Variants in PARD3B observed in about 807,000 individuals in gnomAD.
PARD3B encodes the protein par-3 family cell polarity regulator beta.
PARD3B carries 103 observed loss-of-function variants against 130.2 expected under a neutral mutation model. That is an observed-to-expected ratio of 0.79 (90% CI 0.67 to 0.93). The LOEUF (loss-of-function observed/expected upper bound fraction) is 0.93. PARD3B is among the 40% of genes least tolerant of loss of function. The probability of loss-of-function intolerance (pLI) is 0.00; values close to 1 mark genes in which losing one functional copy is unlikely to be tolerated. For synonymous variants in PARD3B, 583 were observed against 553.2 expected, an observed-to-expected ratio of 1.05 and a Z score of -0.76; for missense variants, 1,609 against 1,499.2, an observed-to-expected ratio of 1.07 and a Z score of -1.21.
chr2:205,164,596 A>G (rs2034693492), intron 11 of PARD3B, among the ~76,000 whole-genome samples: 1 of 152,122 alleles, frequency 6.6e-6, no homozygotes, highest in African/African-American at 2.4e-5. Context: ...ACTATACTGA[A>G]TAAAATTTTG....
In PARD3B at chr2:205,126,731, C is replaced by T. The variant is rs200940945; in HGVS notation, c.1434+994C>T. ...ACTGCAGTCCGCAGTCCCACCTGGG[C>T]GACAGAGCGAGACTCCGTCTCAAAA... On this transcript the variant is annotated intron_variant, in intron 10 of 22. Coordinates refer to ENST00000406610, the MANE Select transcript of PARD3B (RefSeq NM_001302769.2). 2.7e-4 allele frequency among the ~76,000 whole-genome samples: 31 copies of T among 113,938 alleles called. 2 individuals are homozygous for T. In the East Asian group the frequency reaches 7.5e-3, roughly 27 times the overall value. 74.7% of individuals were successfully genotyped at this position (113,938 alleles called of 152,430 possible). A position where few individuals can be genotyped will look rare whatever the true frequency, so the allele number is the denominator to read the frequency against.
At chr2:204,786,161 A>G (rs1239664313) in intron 2 of PARD3B, among the ~76,000 whole-genome samples, 1 of 151,372 alleles carries the variant, frequency 6.6e-6, no homozygotes, top group Non-Finnish European at 1.5e-5. Flanking sequence ...ACGAATCGCT[A>G]TTCTCTTTAT....
chr2:205,371,293 C>T (rs1401127036), intron 18 of PARD3B, among the ~76,000 whole-genome samples: 2 of 152,102 alleles, frequency 1.3e-5, no homozygotes, highest in Non-Finnish European at 2.9e-5. Flanking sequence ...AATCTTAACA[C>T]ATCTGTATAG....
chr2:205,250,963 C>T (rs935338993), intron 16 of PARD3B, among the ~76,000 whole-genome samples: 4 of 152,010 alleles, frequency 2.6e-5, no homozygotes, highest in African/African-American at 7.2e-5. Context: ...AAAAACTTGA[C>T]CTCTCAGCTG....
At chr2:205,067,396 T>G (rs1434157) in intron 4 of PARD3B, among the ~76,000 whole-genome samples, 9,694 of 152,138 alleles carry the variant, frequency 0.064, 337 homozygotes, top group Middle Eastern at 0.18. Flanking sequence ...ACTCCTGGCC[T>G]CAAACCATCC....
At chr2:205,539,173 G>C (rs1309850373) in intron 21 of PARD3B, among the ~76,000 whole-genome samples, 3 of 152,086 alleles carry the variant, frequency 2.0e-5, no homozygotes, top group Non-Finnish European at 4.4e-5. Flanking sequence ...GAGTGATGGT[G>C]CTTTTAGGAT....
At chr2:205,104,082 A>G (rs1426387919) in intron 4 of PARD3B, among the ~76,000 whole-genome samples, 1 of 152,132 alleles carries the variant, frequency 6.6e-6, no homozygotes, top group Non-Finnish European at 1.5e-5. Context: ...ATATATCACC[A>G]TCTGTCACCA....
intron 2 of PARD3B, among the ~76,000 whole-genome samples, chr2:204,927,013 T>C (rs1301667140): frequency 6.6e-6 from 1 of 152,012 alleles, no homozygotes; most frequent in African/African-American, 2.4e-5. Flanking sequence ...ATAGGCAGAA[T>C]TATGATACCC....
intron 4 of PARD3B, among the ~76,000 whole-genome samples, chr2:205,087,611 G>T (rs1477521947): frequency 6.6e-6 from 1 of 152,028 alleles, no homozygotes; most frequent in Non-Finnish European, 1.5e-5. Context: ...TGAGAGTAAT[G>T]AATGCAATAA....
chr2:205,190,364 C>T (rs1260295995), intron 14 of PARD3B, among the ~76,000 whole-genome samples: 2 of 152,188 alleles, frequency 1.3e-5, no homozygotes, highest in Non-Finnish European at 2.9e-5. Flanking sequence ...AATGAGGGTC[C>T]TACACCTCCT....
intron 2 of PARD3B, among the ~76,000 whole-genome samples, chr2:204,876,862 A>G (rs1308261880): frequency 1.3e-5 from 2 of 152,192 alleles, no homozygotes; most frequent in African/African-American, 2.4e-5. Context: ...GCAATTTCAT[A>G]TAACCATTTT....
At chr2:205,047,349 G>A (rs1249707041) in intron 3 of PARD3B, among the ~76,000 whole-genome samples, 1 of 152,150 alleles carries the variant, frequency 6.6e-6, no homozygotes, top group African/African-American at 2.4e-5. Flanking sequence ...ACAATGGCTT[G>A]TTTTGAAATG....
At chr2:205,273,791 G>A (rs558801319) in intron 16 of PARD3B, among the ~76,000 whole-genome samples, 31 of 152,242 alleles carry the variant, frequency 2.0e-4, no homozygotes, top group African/African-American at 7.2e-4. Context: ...GTATACAGTC[G>A]CACCGTATTC....
Position 205,421,442 on chromosome 2 carries a change from GAC to G in PARD3B, c.2742-18922_2742-18921del, listed in dbSNP as rs969419735. ...TGTATTCCATTTTTAATCTCCTCAA[GAC>G]ACACAGTAGAAAAGCTGCCAGAATT... On this transcript the variant is annotated intron_variant, in intron 19 of 22. Coordinates refer to ENST00000406610, the MANE Select transcript of PARD3B (RefSeq NM_001302769.2). This position sits in a 1 kb window ranked among gnomAD's most constrained non-coding sequence, Gnocchi z 5.1. Among the ~76,000 whole-genome samples, 3 of 152,084 alleles carry G rather than the reference GAC, an allele frequency of 2.0e-5. No individual in the cohort carries two copies. Among genetic ancestry groups the G allele is most frequent in the Admixed American group, 2.0e-4 (3 of 15,258 alleles).
At chr2:204,553,593 C>CATATATATATGT in intron 1 of PARD3B, among the ~76,000 whole-genome samples, 1 of 115,948 alleles carries the variant, frequency 8.6e-6, no homozygotes, top group Admixed American at 9.8e-5. Flanking sequence ...AGGCTATATA[C>CATATATATATGT]ATATATATGT....
rs1462379453 is a variant in PARD3B at position 205,584,476 on chromosome 2, G to A, written c.3261-30980G>A. Among the ~76,000 whole-genome samples the A allele has an allele frequency of 6.6e-6, 1 of 152,056 alleles. No homozygotes were observed. Among genetic ancestry groups the A allele is most frequent in the East Asian group, 1.9e-4 (1 of 5,182 alleles). ...GCCGATCACCTGACGTCAGGAGTTCGAGACCAGGCTGGCCAACATAGCGAA... is the reference window on the plus strand; with the variant it reads ...GCCGATCACCTGACGTCAGGAGTTCAAGACCAGGCTGGCCAACATAGCGAA... On this transcript the variant is annotated intron_variant, in intron 22 of 22. Coordinates refer to ENST00000406610, the MANE Select transcript of PARD3B (RefSeq NM_001302769.2). This position sits in a 1 kb window ranked among gnomAD's most constrained non-coding sequence, Gnocchi z 5.5.
intron 2 of PARD3B, among the ~76,000 whole-genome samples, chr2:204,751,447 G>T (rs1325761970): frequency 6.6e-6 from 1 of 152,196 alleles, no homozygotes; most frequent in Non-Finnish European, 1.5e-5. Flanking sequence ...TAACTTCAAG[G>T]TACACACTGC....
At chr2:204,773,675 A>G (rs1415348631) in intron 2 of PARD3B, among the ~76,000 whole-genome samples, 1 of 151,882 alleles carries the variant, frequency 6.6e-6, no homozygotes, top group Non-Finnish European at 1.5e-5. Flanking sequence ...TATAAATTGC[A>G]ATATATATTC....
intron 4 of PARD3B, among the ~76,000 whole-genome samples, chr2:205,069,400 A>G (rs1367901993): frequency 6.6e-6 from 1 of 152,062 alleles, no homozygotes; most frequent in Non-Finnish European, 1.5e-5. Flanking sequence ...TAATCTATGT[A>G]TTTAAATAGA....
Sources: allele counts gnomAD v4.1 joint callset (sites outside exome capture counted in the v4.1 genomes callset), GRCh38; gene constraint gnomAD v4.1.1; non-coding constraint Gnocchi (gnomAD v3.1); transcripts MANE v1.5; gene names NCBI Gene and HGNC (gene_info 2026-07-23, HGNC 2026-07-21).